CNTN4: variants seen among roughly 807,000 people sequenced by gnomAD.
The protein encoded by CNTN4 is contactin 4, also known as contactin-4.
A neutral mutation model predicts 122.5 loss-of-function variants in CNTN4; 77 were observed. The observed-to-expected ratio is 0.63, with a 90% confidence interval of 0.52 to 0.76. The LOEUF (loss-of-function observed/expected upper bound fraction) is 0.76, where lower values mean the gene tolerates loss of function less well. CNTN4 is among the 30% of genes least tolerant of loss of function. CNTN4 has a pLI of 0.00. For synonymous variants in CNTN4, 512 were observed against 447.0 expected (o/e 1.15, Z -1.83); for missense variants, 1,256 against 1,259.1 (o/e 1.00, Z 0.04).
intron 7 of CNTN4, among the ~76,000 whole-genome samples, chr3:2,843,003 C>G (rs914873993): frequency 6.6e-6 from 1 of 152,098 alleles, no homozygotes; most frequent in African/African-American, 2.4e-5. Flanking sequence ...CAAATGCCAT[C>G]TTTATACTGA....
intron 6 of CNTN4, among the ~76,000 whole-genome samples, chr3:2,789,923 G>A (rs2091956334): frequency 6.6e-6 from 1 of 152,188 alleles, no homozygotes; most frequent in African/African-American, 2.4e-5. Flanking sequence ...AGTGCTTATG[G>A]TGTTTAGCCA....
At chr3:2,336,750 C>A (rs1328330515) in intron 2 of CNTN4, among the ~76,000 whole-genome samples, 2 of 152,116 alleles carry the variant, frequency 1.3e-5, no homozygotes, top group African/African-American at 4.8e-5. Flanking sequence ...CTGCCCCTCA[C>A]CTTTTACCCT....
intron 3 of CNTN4, among the ~76,000 whole-genome samples, chr3:2,526,902 A>C (rs5004845): frequency 0.12 from 18,545 of 152,124 alleles, 1,417 homozygotes; most frequent in Non-Finnish European, 0.18. Flanking sequence ...CATCCTTGAT[A>C]ACTGGTTTGC....
At chr3:2,970,089 T>C (rs1046851864) in intron 13 of CNTN4, among the ~76,000 whole-genome samples, 2 of 127,708 alleles carry the variant, frequency 1.6e-5, no homozygotes, top group Non-Finnish European at 3.8e-5. Context: ...TTGTTGTTGT[T>C]GTTTGTTGTT....
intron 2 of CNTN4, among the ~76,000 whole-genome samples, chr3:2,323,890 C>G (rs577333301): frequency 6.6e-6 from 1 of 152,112 alleles, no homozygotes; most frequent in Non-Finnish European, 1.5e-5. Flanking sequence ...AAATCTGTAC[C>G]GTGCATTGGC....
chr3:2,718,283 A>G (rs947127500), intron 4 of CNTN4, among the ~76,000 whole-genome samples: 7 of 151,790 alleles, frequency 4.6e-5, no homozygotes, highest in African/African-American at 1.5e-4. Context: ...TAGCATACTG[A>G]TTTCTCTATG....
chr3:2,983,969 G>A (rs914554777), intron 13 of CNTN4, among the ~76,000 whole-genome samples: 1 of 152,184 alleles, frequency 6.6e-6, no homozygotes, highest in Admixed American at 6.5e-5. Context: ...AATTCTAACA[G>A]TTAGGGTCTT....
At chr3:2,805,895 G>GT (rs1559523170) in intron 6 of CNTN4, among the ~76,000 whole-genome samples, 1 of 151,932 alleles carries the variant, frequency 6.6e-6, no homozygotes, top group African/African-American at 2.4e-5. Flanking sequence ...TTTTTGTTTT[G>GT]TTTTGTTTTT....
chr3:2,797,647 G>A (rs904354650), intron 6 of CNTN4, among the ~76,000 whole-genome samples: 1 of 152,182 alleles, frequency 6.6e-6, no homozygotes, highest in Non-Finnish European at 1.5e-5. Flanking sequence ...TCAGTGCCCA[G>A]ATGTTAGATT....
intron 4 of CNTN4, among the ~76,000 whole-genome samples, chr3:2,660,850 G>A (rs1245774355): frequency 6.6e-6 from 1 of 152,184 alleles, no homozygotes; most frequent in African/African-American, 2.4e-5. Context: ...AGAATCAGAG[G>A]CAATTTAATC....
At position 2,593,948 on chromosome 3, in the gene CNTN4, A is replaced by T. The variant is rs1032200725; in HGVS notation, c.55+22390A>T. ...CAGTAAATATTGGAGCTTTGTAAGA[A>T]TAACATTATTTTAACATAAATAGGT... On this transcript the variant is annotated intron_variant, in intron 4 of 24. Coordinates refer to ENST00000418658, the MANE Select transcript of CNTN4 (RefSeq NM_175607.3). Among the ~76,000 whole-genome samples the T allele has an allele frequency of 7.9e-4, 120 of 152,320 alleles. 1 individual carries two copies. The highest frequency in any genetic ancestry group is 2.6e-3 in the African/African-American group (109 of 41,568).
chr3:2,714,407 A>C (rs1264047107), intron 4 of CNTN4, among the ~76,000 whole-genome samples: 1 of 151,956 alleles, frequency 6.6e-6, no homozygotes, highest in East Asian at 1.9e-4. Context: ...ACTTTATATA[A>C]GCAAGAGCAA....
intron 3 of CNTN4, among the ~76,000 whole-genome samples, chr3:2,446,306 C>T (rs2048623170): frequency 6.6e-6 from 1 of 151,638 alleles, no homozygotes; most frequent in East Asian, 2.0e-4. Context: ...TTTTTATTAG[C>T]GTACCCAACT....
chr3:2,949,333 A>G (rs1303160229), intron 13 of CNTN4, among the ~76,000 whole-genome samples: 1 of 152,220 alleles, frequency 6.6e-6, no homozygotes, highest in African/African-American at 2.4e-5. Flanking sequence ...TACTGGATTC[A>G]TAGATGAAAT....
chr3:2,228,795 G>A (rs115134238), intron 2 of CNTN4, among the ~76,000 whole-genome samples: 1 of 152,040 alleles, frequency 6.6e-6, no homozygotes, highest in South Asian at 2.1e-4. Context: ...TTGAGAGTGA[G>A]ATTTTCTTCT....
chr3:2,465,079 T>C (rs935441017), intron 3 of CNTN4, among the ~76,000 whole-genome samples: 3 of 152,198 alleles, frequency 2.0e-5, no homozygotes, highest in Admixed American at 6.5e-5. Flanking sequence ...AATGTACTTA[T>C]GCCACTGTAT....
At chr3:2,907,559 T>G (rs1252509671) in intron 12 of CNTN4, among the ~76,000 whole-genome samples, 1 of 131,082 alleles carries the variant, frequency 7.6e-6, no homozygotes, top group Admixed American at 8.1e-5. Context: ...GGTGACAGAG[T>G]GAGACTGTCT....
intron 3 of CNTN4, among the ~76,000 whole-genome samples, chr3:2,531,233 G>A (rs139030935): frequency 6.6e-6 from 1 of 152,332 alleles, no homozygotes; most frequent in East Asian, 1.9e-4. Flanking sequence ...GAGACAAGGT[G>A]TTGTCTTCAG....
At chr3:2,786,513 A>G (rs1029419662) in intron 6 of CNTN4, among the ~76,000 whole-genome samples, 2 of 151,530 alleles carry the variant, frequency 1.3e-5, no homozygotes, top group African/African-American at 4.9e-5. Context: ...ACCCCTTCAC[A>G]AGTCCTGTGA....
Sources: gnomAD v4.1 joint callset for allele counts (sites outside exome capture counted in the v4.1 genomes callset) on GRCh38, gnomAD v4.1.1 for gene constraint, MANE v1.5 for transcripts, NCBI Gene and HGNC (gene_info 2026-07-23, HGNC 2026-07-21) for gene names.